The following ADAM10 variants were observed in gnomAD, a reference collection of about 807,000 sequenced individuals.
ADAM10 encodes the protein disintegrin and metalloproteinase domain-containing protein 10.
Under a neutral mutation model 90.1 loss-of-function variants are expected in ADAM10, and 17 were observed. That is an observed-to-expected ratio of 0.19 (90% CI 0.13 to 0.28). The LOEUF (loss-of-function observed/expected upper bound fraction) is 0.28, where lower values mean the gene tolerates loss of function less well. Ranked by LOEUF, ADAM10 falls within the 10% of genes least tolerant of loss-of-function variation. The pLI is 1.00. For missense variants in ADAM10, 610 were observed against 914.3 expected, an observed-to-expected ratio of 0.67 and a Z score of 4.29; for synonymous variants, 310 against 298.6, an observed-to-expected ratio of 1.04 and a Z score of -0.40.
At chr15:58,710,094 A>C (rs1480904254) in intron 2 of ADAM10, among the ~76,000 whole-genome samples, 1 of 152,058 alleles carries the variant, frequency 6.6e-6, no homozygotes, top group Non-Finnish European at 1.5e-5. Flanking sequence ...CCCGGCCAAC[A>C]TGGTGAAACC....
At chr15:58,747,376 T>C (rs889998833) in intron 1 of ADAM10, 1 of 152,214 alleles carries the variant, frequency 6.6e-6, no homozygotes, top group African/African-American at 2.4e-5. Context: ...AAAGGATTTA[T>C]TAACTACCTG....
At chr15:58,701,805 TTAAAAA>T (rs1289447517) in intron 2 of ADAM10, among the ~76,000 whole-genome samples, 6 of 152,154 alleles carry the variant, frequency 3.9e-5, no homozygotes, top group Admixed American at 1.3e-4. Flanking sequence ...AATTTGACTA[TTAAAAA>T]TAATAATAAT....
chr15:58,685,564 A>G (rs547477796), intron 2 of ADAM10, among the ~76,000 whole-genome samples: 3 of 123,596 alleles, frequency 2.4e-5, no homozygotes, highest in Non-Finnish European at 4.7e-5. Context: ...ATATATATAT[A>G]TATATATATA....
intron 2 of ADAM10, among the ~76,000 whole-genome samples, chr15:58,682,580 A>G (rs1326213034): frequency 3.3e-5 from 5 of 152,162 alleles, no homozygotes; most frequent in African/African-American, 1.2e-4. Context: ...CTTACATGGT[A>G]AAACAAGATA....
chr15:58,620,337 C>G (rs1255857859), intron 11 of ADAM10, among the ~76,000 whole-genome samples: 1 of 151,958 alleles, frequency 6.6e-6, no homozygotes, highest in African/African-American at 2.4e-5. Context: ...CATGGAGGCA[C>G]ACACCTGTAG....
chr15:58,664,980 A>T, intron 5 of ADAM10, 117 bp downstream of exon 5: 1 of 842,974 alleles, frequency 1.2e-6, no homozygotes, highest in East Asian at 2.5e-5. Flanking sequence ...ATTAAAAAAC[A>T]TTCCCCACAG....
At chr15:58,702,095 G>T (rs1898151812) in intron 2 of ADAM10, among the ~76,000 whole-genome samples, 2 of 152,126 alleles carry the variant, frequency 1.3e-5, no homozygotes, top group African/African-American at 4.8e-5. Context: ...AACAGAGCGA[G>T]ATTCTGTCTC....
chr15:58,609,497 C>T (rs1445124157), intron 14 of ADAM10: 2 of 152,042 alleles, frequency 1.3e-5, no homozygotes, highest in Non-Finnish European at 2.9e-5. Flanking sequence ...TTAAGGCATC[C>T]ATAGTTCTGA....
chr15:58,601,184 C>T (rs544438078), intron 14 of ADAM10, among the ~76,000 whole-genome samples: 2 of 152,060 alleles, frequency 1.3e-5, no homozygotes, highest in Non-Finnish European at 2.9e-5. Flanking sequence ...AACCTGAGGC[C>T]GGGCACGGTG....
At chr15:58,697,516 C>A (rs1250702455) in intron 2 of ADAM10, among the ~76,000 whole-genome samples, 2 of 152,314 alleles carry the variant, frequency 1.3e-5, no homozygotes. Flanking sequence ...TTAGCCCACT[C>A]AATCTGCCAT....
intron 8 of ADAM10, among the ~76,000 whole-genome samples, chr15:58,634,915 G>C (rs1198070218): frequency 6.6e-6 from 1 of 152,050 alleles, no homozygotes; most frequent in African/African-American, 2.4e-5. Context: ...TGTAACAGAA[G>C]GCAATTCAAA....
At chr15:58,743,441 T>C (rs762342930) in intron 1 of ADAM10, among the ~76,000 whole-genome samples, 1 of 152,078 alleles carries the variant, frequency 6.6e-6, no homozygotes, top group Non-Finnish European at 1.5e-5. Context: ...TTCTAACCAT[T>C]ATAATGTAAT....
intron 7 of ADAM10, among the ~76,000 whole-genome samples, chr15:58,641,399 T>C (rs536901776): frequency 2.9e-4 from 44 of 152,294 alleles, no homozygotes; most frequent in Admixed American, 1.4e-3. Context: ...ATTACTAGAA[T>C]ATAAAATAGG....
intron 4 of ADAM10, among the ~76,000 whole-genome samples, chr15:58,665,706 T>A (rs1897064528): frequency 6.6e-6 from 1 of 152,002 alleles, no homozygotes; most frequent in Non-Finnish European, 1.5e-5. Context: ...CCATTAAGAC[T>A]ATTCTCATAG....
chr15:58,648,845 C>T (rs940834775), intron 5 of ADAM10, among the ~76,000 whole-genome samples: 2 of 150,298 alleles, frequency 1.3e-5, no homozygotes, highest in African/African-American at 2.4e-5. Flanking sequence ...TTTAGTAATG[C>T]TTTTTTTTTG....
chr15:58,640,699 T>C, intron 8 of ADAM10, 78 bp downstream of exon 8: 2 of 1,386,072 alleles, frequency 1.4e-6, no homozygotes, highest in Non-Finnish European at 2.0e-6. Flanking sequence ...TCTCCTATAC[T>C]TTGAAAATTC....
chr15:58,659,453 T>C (rs1348525709), intron 5 of ADAM10, among the ~76,000 whole-genome samples: 1 of 152,184 alleles, frequency 6.6e-6, no homozygotes, highest in African/African-American at 2.4e-5. Flanking sequence ...GCTTTTTTAC[T>C]AGTCTACTGA....
At chr15:58,691,722 C>A (rs547392378) in intron 2 of ADAM10, 11 of 328,352 alleles carry the variant, frequency 3.4e-5, no homozygotes, top group Non-Finnish European at 5.6e-5. Context: ...CTTCTTCTGT[C>A]GCCCAGGCTT....
Position 58,679,282 on chromosome 15 carries a change from C to T in ADAM10, c.326G>A (p.Gly109Asp). Residue 109 changes from glycine to aspartate, a missense_variant and splice_region_variant, in exon 4 of 16, where the codon GGT becomes GAT. By Grantham distance (94) the Gly-to-Asp change is moderately conservative. Coordinates refer to ENST00000260408, the MANE Select transcript of ADAM10 (RefSeq NM_001110.4). ...TSHIYTGHIY[G>D]EEGSFSHGSV... The stretch of plus-strand genomic sequence containing the variant: ...CCCATGGCTAAAACTTCCTTCTTCA[C>T]CTATTAATGAAAGCAACAAATTCTT... The T allele has an allele frequency of 8.7e-6, 14 of 1,613,824 alleles. No homozygotes were observed. The highest frequency in any genetic ancestry group is 1.2e-5 in the Non-Finnish European group (14 of 1,179,948).
Sources: allele counts gnomAD v4.1 joint callset (sites outside exome capture counted in the v4.1 genomes callset), GRCh38; gene constraint gnomAD v4.1.1; transcripts MANE v1.5; gene names NCBI Gene and HGNC (gene_info 2026-07-23, HGNC 2026-07-21).